Variants in CATSPERE observed in about 807,000 individuals in gnomAD.
CATSPERE encodes the protein catsper channel auxiliary subunit epsilon, also known as cation channel sperm-associated auxiliary subunit epsilon.
A neutral mutation model predicts 114.1 loss-of-function variants in CATSPERE; 93 were observed. The observed-to-expected ratio is 0.81, with a 90% CI of 0.69 to 0.97. CATSPERE has a LOEUF of 0.97. CATSPERE is among the 50% of genes least tolerant of loss of function. The probability of loss-of-function intolerance (pLI) is 0.00; values close to 1 mark genes in which losing one functional copy is unlikely to be tolerated. For synonymous variants in CATSPERE, 341 were observed against 384.1 expected, an observed-to-expected ratio of 0.89 and a Z score of 1.31; for missense variants, 1,058 against 1,131.6, an observed-to-expected ratio of 0.93 and a Z score of 0.93.
chr1:244,515,782 A>G (rs1476717247), intron 7 of CATSPERE, among the ~76,000 whole-genome samples: 1 of 151,962 alleles, frequency 6.6e-6, no homozygotes, highest in Non-Finnish European at 1.5e-5. Context: ...CCATATGTTG[A>G]TACAACTAGA....
At chr1:244,629,920 G>A (rs1248517189) in intron 20 of CATSPERE, among the ~76,000 whole-genome samples, 2 of 152,164 alleles carry the variant, frequency 1.3e-5, no homozygotes, top group Admixed American at 1.3e-4. Flanking sequence ...GATTACAGGT[G>A]TGAGCCACGA....
chr1:244,610,464 A>G (rs1469102200), intron 19 of CATSPERE, 138 bp downstream of exon 19: 14 of 719,520 alleles, frequency 1.9e-5, no homozygotes, highest in Non-Finnish European at 3.0e-5. Flanking sequence ...ATTAAATTGT[A>G]TCATGGTATT....
At chr1:244,626,485 CAAAAAAAAAAAA>C (rs35687880) in intron 20 of CATSPERE, among the ~76,000 whole-genome samples, 3 of 66,850 alleles carry the variant, frequency 4.5e-5, no homozygotes, top group East Asian at 4.7e-4. Flanking sequence ...AATTCCATCT[CAAAAAAAAAAAA>C]AAAAAAAAAA....
At position 244,628,713 on chromosome 1, in the gene CATSPERE, G is replaced by C. The variant is rs757745918; in HGVS notation, c.2649-6776G>C. 2.6e-5 allele frequency among the ~76,000 whole-genome samples: 4 copies of C among 152,116 alleles called. No homozygotes were observed. In the East Asian group the frequency reaches 7.7e-4, roughly 29 times the overall value. On this transcript the variant is annotated intron_variant, in intron 20 of 21. Transcript: ENST00000366534. ...ATCGTACTTGAAGATTTTTATGCTCGGAGGCCTTTTCTTCTCCACTGTTCC... is the reference window on the plus strand; with the variant it reads ...ATCGTACTTGAAGATTTTTATGCTCCGAGGCCTTTTCTTCTCCACTGTTCC...
chr1:244,530,795 T>A (rs1205508508), intron 8 of CATSPERE, among the ~76,000 whole-genome samples: 1 of 152,240 alleles, frequency 6.6e-6, no homozygotes, highest in African/African-American at 2.4e-5. Context: ...ATTACTTTTT[T>A]ATTTCTTTTT....
intron 14 of CATSPERE, among the ~76,000 whole-genome samples, chr1:244,590,334 T>G (rs2148640494): frequency 6.6e-6 from 1 of 152,338 alleles, no homozygotes. Flanking sequence ...TTACATCTAA[T>G]AAAACAGTCC....
At chr1:244,526,338 G>A (rs922656101) in intron 8 of CATSPERE, among the ~76,000 whole-genome samples, 1 of 151,838 alleles carries the variant, frequency 6.6e-6, no homozygotes, top group Admixed American at 6.6e-5. Flanking sequence ...AAGCCCAGGA[G>A]TTTGAGGCTG....
At chr1:244,542,473 C>T (rs931294938) in intron 8 of CATSPERE, among the ~76,000 whole-genome samples, 4 of 152,056 alleles carry the variant, frequency 2.6e-5, no homozygotes, top group African/African-American at 4.8e-5. Context: ...AACCCTCACT[C>T]CCCTCCCACC....
chr1:244,569,030 G>A (rs1388733761), intron 10 of CATSPERE, among the ~76,000 whole-genome samples: 2 of 152,204 alleles, frequency 1.3e-5, no homozygotes, highest in Non-Finnish European at 2.9e-5. Flanking sequence ...GTCTGTGGGT[G>A]GCAAAGACCG....
At chr1:244,586,069 G>A (rs776677583) in intron 13 of CATSPERE, among the ~76,000 whole-genome samples, 17 of 152,170 alleles carry the variant, frequency 1.1e-4, no homozygotes, top group Non-Finnish European at 2.1e-4. Context: ...GGAGCTGTCC[G>A]GCTCCGTCTC....
chr1:244,606,783 G>C (rs1025855286), intron 18 of CATSPERE, among the ~76,000 whole-genome samples: 4 of 151,730 alleles, frequency 2.6e-5, no homozygotes, highest in African/African-American at 9.7e-5. Context: ...TGTATTTTTA[G>C]TGGAGATAGG....
chr1:244,639,205 G>T (rs1354609687), intron 21 of CATSPERE, among the ~76,000 whole-genome samples: 8 of 152,266 alleles, frequency 5.3e-5, no homozygotes, highest in Non-Finnish European at 4.4e-5. Context: ...ACATTTCCAT[G>T]CCTTCTCATA....
chr1:244,535,920 C>T (rs1680314963), intron 8 of CATSPERE, among the ~76,000 whole-genome samples: 1 of 151,898 alleles, frequency 6.6e-6, no homozygotes, highest in African/African-American at 2.4e-5. Context: ...CATCCAATGC[C>T]ATGGTGTGTA....
chr1:244,604,873 T>C (rs1257694631), intron 17 of CATSPERE, among the ~76,000 whole-genome samples: 1 of 152,178 alleles, frequency 6.6e-6, no homozygotes, highest in Non-Finnish European at 1.5e-5. Context: ...GAACACTTAC[T>C]GAGTTTGCGG....
chr1:244,617,531 C>G lies in CATSPERE; in HGVS notation c.2493C>G (p.Asn831Lys), dbSNP rs1671550439. 6.6e-7 allele frequency: 1 copy of G among 1,509,818 alleles called. No homozygotes were observed. Among genetic ancestry groups the G allele is most frequent in the Non-Finnish European group, 8.8e-7 (1 of 1,134,744 alleles). 93.5% of individuals were successfully genotyped at this position (1,509,818 alleles called of 1,614,324 possible). ...TTTTGTCTTTGTTTCTTGTTCAGAA[C>G]TATAAACACTGTTTTTCTTATGCTA... ...LPLEEVWGPE[N>K]YKHCFSYAIG... Residue 831 changes from asparagine (N) to lysine (K), a missense_variant and splice_region_variant, in exon 20 of 22, where the codon AAC (asparagine) becomes AAG (lysine). By Grantham distance (94) the Asn-to-Lys change is moderately conservative. Coordinates refer to ENST00000366534, the MANE Select transcript of CATSPERE (RefSeq NM_001130957.2).
At chr1:244,487,517 G>A (rs1365846680) in intron 5 of CATSPERE, among the ~76,000 whole-genome samples, 2 of 152,252 alleles carry the variant, frequency 1.3e-5, no homozygotes, top group South Asian at 2.1e-4. Flanking sequence ...CTGCCAAGAT[G>A]AGTAAGCCAC....
chr1:244,560,667 G>T lies in CATSPERE; in HGVS notation c.1030-1G>T. On this transcript the variant is annotated splice_acceptor_variant, in intron 9 of 21. Coordinates refer to ENST00000366534, the MANE Select transcript of CATSPERE (RefSeq NM_001130957.2). LOFTEE classifies it high-confidence loss of function. ...TCTCATCATTTTTCATTTTGTCACA[G>T]GCTAAAGGAAGAAGAAGCACCTTTG... 6.4e-7 allele frequency: 1 copy of T among 1,558,552 alleles called. No homozygotes were observed. Among genetic ancestry groups the T allele is most frequent in the South Asian group, 1.2e-5 (1 of 80,532 alleles).
chr1:244,452,171 T>A, upstream of CATSPERE: 1 of 180,956 alleles, frequency 5.5e-6, no homozygotes, highest in Non-Finnish European at 1.1e-5. Flanking sequence ...GGGGCGGGGC[T>A]TCGAGAGCGC....
At chr1:244,557,550 T>TG (rs1661802734) in intron 9 of CATSPERE, among the ~76,000 whole-genome samples, 1 of 48,266 alleles carries the variant, frequency 2.1e-5, no homozygotes, top group Admixed American at 2.2e-4. Context: ...TATATATATA[T>TG]ATATATATAT....
Sources: gnomAD v4.1 joint callset for allele counts (sites outside exome capture counted in the v4.1 genomes callset) on GRCh38, gnomAD v4.1.1 for gene constraint, MANE v1.5 for transcripts, NCBI Gene and HGNC (gene_info 2026-07-23, HGNC 2026-07-21) for gene names.